Variants in JAK1 observed in about 807,000 individuals in gnomAD.
JAK1 encodes Janus kinase 1.
Under a neutral mutation model 136.6 loss-of-function variants are expected in JAK1, and 16 were observed. The ratio of observed to expected loss-of-function variants is 0.12; its 90% confidence interval spans 0.08 to 0.18. JAK1 has a LOEUF of 0.18. Among genes scored for constraint, JAK1 ranks in the 10% least tolerant of loss-of-function variants. The probability of loss-of-function intolerance (pLI) is 1.00; values close to 1 mark genes in which losing one functional copy is unlikely to be tolerated. For synonymous variants in JAK1, 492 were observed against 519.5 expected (o/e 0.95, Z 0.72); for missense variants, 859 against 1,450.1 (o/e 0.59, Z 6.62).
Position 64,966,144 on chromosome 1 carries a change from G to A in JAK1, c.-78+189C>T, listed in dbSNP as rs192421468. Among the ~76,000 whole-genome samples the A allele has an allele frequency of 2.1e-4, 32 of 151,930 alleles. No homozygotes were observed. The Middle Eastern group carries it at 0.014, about 65-fold the overall frequency. On this transcript the variant is annotated intron_variant, in intron 1 of 24. Coordinates refer to ENST00000342505, the MANE Select transcript of JAK1 (RefSeq NM_002227.4). ...CCTCCTCGCCGCCCGCCGGCTCCGCGGGGCTGGAAATCCCCGCCTTCCCCG... is the reference window on the plus strand; with the variant it reads ...CCTCCTCGCCGCCCGCCGGCTCCGCAGGGCTGGAAATCCCCGCCTTCCCCG...
intron 2 of JAK1, among the ~76,000 whole-genome samples, chr1:65,000,675 C>T (rs777949028): frequency 5.9e-5 from 9 of 151,770 alleles, no homozygotes; most frequent in Admixed American, 2.0e-4. Context: ...ATATTTGATT[C>T]AAAGGAAAAA....
chr1:64,856,879 G>A (rs781358025), intron 10 of JAK1, among the ~76,000 whole-genome samples: 4 of 152,090 alleles, frequency 2.6e-5, no homozygotes, highest in Non-Finnish European at 2.9e-5. Flanking sequence ...TCTACCCTCC[G>A]TGCCAAAGGC....
intron 4 of JAK1, among the ~76,000 whole-genome samples, chr1:64,878,576 T>TATAG (rs1644717106): frequency 3.5e-5 from 2 of 56,860 alleles, no homozygotes; most frequent in South Asian, 9.4e-4. Flanking sequence ...TATATATATA[T>TATAG]ATATATATAT....
chr1:65,058,547 G>A (rs1647651395), intron 1 of JAK1: 2 of 530,406 alleles, frequency 3.8e-6, no homozygotes, highest in Non-Finnish European at 7.7e-6. Flanking sequence ...CATCCTTTCT[G>A]GTGGCTGCAT....
chr1:65,046,769 C>CT (rs1289491762), intron 1 of JAK1, among the ~76,000 whole-genome samples: 2 of 151,310 alleles, frequency 1.3e-5, no homozygotes, highest in East Asian at 3.9e-4. Flanking sequence ...AGGCTGGTGT[C>CT]GAACTCCTGG....
chr1:64,991,898 A>C (rs1646659884), intron 2 of JAK1: 1 of 152,228 alleles, frequency 6.6e-6, no homozygotes, highest in African/African-American at 2.4e-5. Flanking sequence ...TATACACTGA[A>C]AACTGTAAAA....
chr1:64,902,583 A>AGAGAGAGAGAGAGAGAGTGTGTGT, intron 1 of JAK1, among the ~76,000 whole-genome samples: 46 of 73,786 alleles, frequency 6.2e-4, no homozygotes, highest in South Asian at 3.2e-3. Flanking sequence ...AGAGAGAGAG[A>AGAGAGAGAGAGAGAGAGTGTGTGT]GTGTGTGTGT....
intron 1 of JAK1, among the ~76,000 whole-genome samples, chr1:64,963,252 A>G (rs1409794106): frequency 1.3e-5 from 2 of 152,204 alleles, no homozygotes; most frequent in African/African-American, 4.8e-5. Flanking sequence ...CTGCTCTTAT[A>G]GAAAAGAAAT....
chr1:64,907,170 A>G (rs903246695), intron 1 of JAK1, among the ~76,000 whole-genome samples: 1 of 152,200 alleles, frequency 6.6e-6, no homozygotes, highest in African/African-American at 2.4e-5. Flanking sequence ...TTCTGAAATG[A>G]AAATAACAGT....
intron 1 of JAK1, among the ~76,000 whole-genome samples, chr1:64,935,100 G>A (rs1645765134): frequency 1.3e-5 from 2 of 152,224 alleles, no homozygotes; most frequent in Admixed American, 1.3e-4. Flanking sequence ...CTAGCCATGG[G>A]AACAAGAACG....
chr1:64,954,140 G>T (rs1206394757), intron 1 of JAK1, among the ~76,000 whole-genome samples: 1 of 152,142 alleles, frequency 6.6e-6, no homozygotes, highest in African/African-American at 2.4e-5. Flanking sequence ...GAAAGAAAAG[G>T]ACAAGTGACA....
chr1:64,948,828 G>A (rs1265038936), intron 1 of JAK1, among the ~76,000 whole-genome samples: 1 of 152,216 alleles, frequency 6.6e-6, no homozygotes, highest in South Asian at 2.1e-4. Flanking sequence ...CATCTCCAGA[G>A]TAAATCTTGA....
chr1:64,903,456 T>C (rs1019207478), intron 1 of JAK1, among the ~76,000 whole-genome samples: 2 of 152,206 alleles, frequency 1.3e-5, no homozygotes, highest in Non-Finnish European at 2.9e-5. Flanking sequence ...ACTGGAAATG[T>C]GTAATTCTCT....
upstream of JAK1, among the ~76,000 whole-genome samples, chr1:64,970,387 G>A (rs1246034540): frequency 2.0e-5 from 3 of 151,974 alleles, 1 homozygote; most frequent in Admixed American, 1.3e-4. Flanking sequence ...GCTGCAGTGA[G>A]CCAAGATGGC....
At chr1:65,001,614 G>A (rs1174606259) in intron 2 of JAK1, among the ~76,000 whole-genome samples, 1 of 150,898 alleles carries the variant, frequency 6.6e-6, no homozygotes, top group Non-Finnish European at 1.5e-5. Context: ...TGCGTGATAT[G>A]TGTGTTTGAG....
Position 64,864,977 on chromosome 1 carries a change from T to C in JAK1, c.991-5A>G, listed in dbSNP as rs780864785. 1.6e-5 allele frequency: 26 copies of C among 1,606,786 alleles called. No homozygotes were observed. Among genetic ancestry groups the C allele is most frequent in the Non-Finnish European group, 2.2e-5 (26 of 1,175,178 alleles). ...TTCCTTTTCAACAGAAACAACCTGA[T>C]AAGATACATAAAAGGGACAGGGTTA... On this transcript the variant is annotated splice_region_variant and splice_polypyrimidine_tract_variant and intron_variant, in intron 7 of 24. Transcript: ENST00000342505.
intron 1 of JAK1, chr1:65,058,336 A>T (rs1647640651): frequency 9.5e-6 from 5 of 527,752 alleles, no homozygotes; most frequent in South Asian, 5.7e-5. Flanking sequence ...GGTGCAGGGT[A>T]AGAGGGTTTC....
At chr1:64,847,779 G>T in intron 12 of JAK1, 104 bp from the exon 13 acceptor site, 1 of 1,320,298 alleles carries the variant, frequency 7.6e-7, no homozygotes, top group Non-Finnish European at 1.0e-6. Flanking sequence ...ATGGGATGGG[G>T]CAAAGGCAAG....
chr1:64,927,752 A>G (rs1645606586), intron 1 of JAK1, among the ~76,000 whole-genome samples: 1 of 152,230 alleles, frequency 6.6e-6, no homozygotes, highest in Non-Finnish European at 1.5e-5. Flanking sequence ...TCAAACGTCT[A>G]TTAAGCAGCC....
Sources: allele counts gnomAD v4.1 joint callset (sites outside exome capture counted in the v4.1 genomes callset), GRCh38; gene constraint gnomAD v4.1.1; transcripts MANE v1.5; gene names NCBI Gene and HGNC (gene_info 2026-07-23, HGNC 2026-07-21).